Variants in PITPNM2 observed in about 807,000 individuals in gnomAD.
PITPNM2 encodes membrane-associated phosphatidylinositol transfer protein 2.
PITPNM2 carries 35 observed loss-of-function variants against 132.2 expected under a neutral mutation model. The ratio of observed to expected loss-of-function variants is 0.26; its 90% CI spans 0.20 to 0.35. The LOEUF is 0.35. Ranked by LOEUF, PITPNM2 falls within the 10% of genes least tolerant of loss-of-function variation. The pLI, the probability that PITPNM2 is intolerant of heterozygous loss-of-function variation, is 1.00. For synonymous variants in PITPNM2, 738 were observed against 799.2 expected, an observed-to-expected ratio of 0.92 and a Z score of 1.29; for missense variants, 1,332 against 1,912.0, an observed-to-expected ratio of 0.70 and a Z score of 5.66.
At chr12:123,115,895 T>C (rs1386975960) in intron 1 of PITPNM2, among the ~76,000 whole-genome samples, 1 of 152,120 alleles carries the variant, frequency 6.6e-6, no homozygotes, top group Non-Finnish European at 1.5e-5. Flanking sequence ...GAGGGAACAG[T>C]TGGGTTCTGG....
At chr12:123,026,881 G>A (rs1455089027) in intron 3 of PITPNM2, among the ~76,000 whole-genome samples, 3 of 152,080 alleles carry the variant, frequency 2.0e-5, no homozygotes, top group African/African-American at 7.2e-5. Context: ...TTTCTTATAG[G>A]GACACTAGTC....
chr12:123,004,398 C>A lies in PITPNM2; in HGVS notation c.1044G>T (p.Ala348=), dbSNP rs765464619. The A allele has an allele frequency of 2.5e-6, 4 of 1,613,776 alleles. No homozygotes were observed. The highest frequency in any genetic ancestry group is 2.2e-5 in the East Asian group (1 of 44,884). ...DESSDDEFFD[A]HEDLSDTEEM... is the part of the protein sequence containing the mutation. ...TGCAGAGCGCTGCCTGCCTACCGTG[C>A]GCATCGAAGAACTCATCATCTGAGC... Residue 348 remains alanine (A), a synonymous_variant, in exon 8 of 26, where the codon GCG becomes GCT. Transcript: ENST00000320201. The surrounding 1 kb of genome is among the most constrained non-coding windows in gnomAD (Gnocchi z 4.9).
Position 122,989,885 on chromosome 12 carries a change from G to GGGGGGC in PITPNM2, c.2632_2633insGCCCCC (p.Ala878delinsGlyProPro). 1 of 1,077,340 alleles carries GGGGGGC rather than the reference G, an allele frequency of 9.3e-7. No homozygotes were observed. The highest frequency in any genetic ancestry group is 1.2e-6 in the Non-Finnish European group (1 of 807,232). 66.7% of individuals were successfully genotyped at this position (1,077,340 alleles called of 1,614,324 possible). On this transcript the variant is annotated protein_altering_variant, in exon 18 of 26. Coordinates refer to ENST00000320201, the MANE Select transcript of PITPNM2 (RefSeq NM_020845.3). ...GGGGCCAGGGGTGGTGGGGCTGGGG[G>GGGGGGC]CGGGCAGGGCGAGCAGGGACAGACG...
chr12:123,030,742 T>C lies in PITPNM2; in HGVS notation c.78+3771A>G, dbSNP rs1011591018. ...ATTTGTATGCTAATGTCAACCCAAATGTCCATCAATGGATGAATGGATAAG... is the reference window on the plus strand; with the variant it reads ...ATTTGTATGCTAATGTCAACCCAAACGTCCATCAATGGATGAATGGATAAG... On this transcript the variant is annotated intron_variant, in intron 3 of 25. Transcript: ENST00000320201. 2.7e-5 allele frequency among the ~76,000 whole-genome samples: 4 copies of C among 150,854 alleles called. No individual in the cohort carries two copies. The South Asian group carries it at 6.2e-4, about 24-fold the overall frequency.
At chr12:123,124,715 C>T (rs1274192015) in intron 1 of PITPNM2, among the ~76,000 whole-genome samples, 1 of 152,126 alleles carries the variant, frequency 6.6e-6, no homozygotes, top group Non-Finnish European at 1.5e-5. Flanking sequence ...TGCTATCCCT[C>T]CCCCATCCCC....
intron 1 of PITPNM2, among the ~76,000 whole-genome samples, chr12:123,127,610 C>CTTTTTTTT: frequency 7.2e-6 from 1 of 139,482 alleles, no homozygotes; most frequent in Non-Finnish European, 1.6e-5. Flanking sequence ...CTTTTTCTTT[C>CTTTTTTTT]TTTTTTTTTT....
chr12:123,124,996 T>C (rs1405520759), intron 1 of PITPNM2, among the ~76,000 whole-genome samples: 1 of 152,224 alleles, frequency 6.6e-6, no homozygotes, highest in East Asian at 1.9e-4. Flanking sequence ...TCTCGCTCTG[T>C]AGTCCAGATG....
intron 2 of PITPNM2, among the ~76,000 whole-genome samples, chr12:123,052,027 C>T (rs577089628): frequency 8.0e-5 from 12 of 150,932 alleles, no homozygotes; most frequent in East Asian, 7.7e-4. Flanking sequence ...CTCAGCCTCC[C>T]GGGTAGTTGA....
intron 5 of PITPNM2, 54 bp from the exon 6 acceptor site, chr12:123,010,131 A>T: frequency 7.0e-7 from 1 of 1,420,730 alleles, no homozygotes; most frequent in Non-Finnish European, 9.9e-7. Context: ...ACCCCCACCC[A>T]CATCTCTCCA....
At position 123,111,219 on chromosome 12, in the gene PITPNM2, A is replaced by C. The variant is rs1249141169; in HGVS notation, c.-199-731T>G. Among the ~76,000 whole-genome samples the C allele has an allele frequency of 2.0e-5, 3 of 152,172 alleles. No homozygotes were observed. Among genetic ancestry groups the C allele is most frequent in the African/African-American group, 7.2e-5 (3 of 41,442 alleles). ...CGGGTAGCCCACCTCGCAGCTCAAC[A>C]CACATTCTTGTTTGCCTGACACACA... On this transcript the variant is annotated intron_variant, in intron 1 of 25. Coordinates refer to ENST00000320201, the MANE Select transcript of PITPNM2 (RefSeq NM_020845.3). The surrounding 1 kb of genome is among the most constrained non-coding windows in gnomAD (Gnocchi z 4.1).
chr12:123,060,645 TGGAAAG>T (rs1310744554), intron 2 of PITPNM2, among the ~76,000 whole-genome samples: 1 of 152,112 alleles, frequency 6.6e-6, no homozygotes, highest in Non-Finnish European at 1.5e-5. Flanking sequence ...GCACTCCTAT[TGGAAAG>T]GGATGAGGAG....
intron 2 of PITPNM2, chr12:123,089,779 G>C (rs1448304948): frequency 6.6e-6 from 1 of 152,178 alleles, no homozygotes. Flanking sequence ...AAATTCCATG[G>C]AGCAGGAAAG....
At position 122,993,678 on chromosome 12, in the gene PITPNM2, T is replaced by TCTC. The variant is rs2038295395; in HGVS notation, c.2234-1012_2234-1010dup. Among the ~76,000 whole-genome samples, 1 of 152,180 alleles carries TCTC rather than the reference T, an allele frequency of 6.6e-6. No individual in the cohort carries two copies. Among genetic ancestry groups the TCTC allele is most frequent in the South Asian group, 2.1e-4 (1 of 4,828 alleles). The stretch of plus-strand genomic sequence containing the variant: ...GGACCACAACGGTACTGTCCCTAAG[T>TCTC]CTCCATGCACCTGTGTGGGACTCTG... On this transcript the variant is annotated intron_variant, in intron 15 of 25. Transcript: ENST00000320201. The surrounding 1 kb of genome is among the most constrained non-coding windows in gnomAD (Gnocchi z 5.2).
intron 2 of PITPNM2, among the ~76,000 whole-genome samples, chr12:123,040,154 A>T (rs1216354305): frequency 3.3e-5 from 5 of 151,860 alleles, no homozygotes; most frequent in African/African-American, 4.8e-5. Flanking sequence ...GTTTATTATT[A>T]AAAAAAAATT....
At chr12:123,086,365 C>T (rs1390307932) in intron 2 of PITPNM2, among the ~76,000 whole-genome samples, 1 of 152,172 alleles carries the variant, frequency 6.6e-6, no homozygotes, top group Non-Finnish European at 1.5e-5. Context: ...GTGTTTGTCT[C>T]TTGGGCTTTT....
rs1198866154 is a variant in PITPNM2 at position 122,985,144 on chromosome 12, A to T, written c.*883T>A. ...CTCCGTCACAGTGCTGGGTGTTTTC[A>T]GTGTGGAGGGGCTGCTCTCAGTACT... On this transcript the variant is annotated 3_prime_UTR_variant, in exon 26 of 26. Transcript: ENST00000320201. 2.6e-5 allele frequency: 4 copies of T among 152,530 alleles called. No homozygotes were observed. The highest frequency in any genetic ancestry group is 5.9e-5 in the Non-Finnish European group (4 of 68,046). 9.4% of individuals were successfully genotyped at this position (152,530 alleles called of 1,614,324 possible).
At chr12:123,116,174 T>C (rs1174306486) in intron 1 of PITPNM2, among the ~76,000 whole-genome samples, 1 of 152,194 alleles carries the variant, frequency 6.6e-6, no homozygotes, top group Non-Finnish European at 1.5e-5. Context: ...TTTGTATCTC[T>C]AAGCTTAGGG....
chr12:122,987,185 C>A, intron 23 of PITPNM2, 96 bp downstream of exon 23: 1 of 1,548,340 alleles, frequency 6.5e-7, no homozygotes, highest in East Asian at 2.3e-5. Context: ...AGGCGTCCCC[C>A]ACAGAGGCTC....
At chr12:123,048,841 G>A (rs936468694) in intron 2 of PITPNM2, among the ~76,000 whole-genome samples, 1 of 152,144 alleles carries the variant, frequency 6.6e-6, no homozygotes, top group Admixed American at 6.5e-5. Flanking sequence ...GCTTAAAAAT[G>A]GTCAACATGG....
Sources: gnomAD v4.1 joint callset for allele counts (sites outside exome capture counted in the v4.1 genomes callset) on GRCh38, gnomAD v4.1.1 for gene constraint, Gnocchi (gnomAD v3.1) non-coding constraint, MANE v1.5 for transcripts, NCBI Gene and HGNC (gene_info 2026-07-23, HGNC 2026-07-21) for gene names.